The following LTN1 variants were observed in gnomAD, a reference collection of about 807,000 sequenced individuals.
LTN1 encodes the protein listerin E3 ubiquitin protein ligase 1, also known as E3 ubiquitin-protein ligase listerin.
LTN1 carries 88 observed loss-of-function variants against 201.2 expected under a neutral mutation model. The observed-to-expected ratio is 0.44, with a 90% CI of 0.37 to 0.52. The LOEUF is 0.52. Ranked by LOEUF, LTN1 falls within the 20% of genes least tolerant of loss-of-function variation. The pLI, the probability that LTN1 is intolerant of heterozygous loss-of-function variation, is 0.00. For missense variants in LTN1, 1,752 were observed against 2,038.7 expected, an observed-to-expected ratio of 0.86 and a Z score of 2.71; for synonymous variants, 645 against 713.5, an observed-to-expected ratio of 0.90 and a Z score of 1.53.
chr21:28,957,331 C>T lies in LTN1; in HGVS notation c.2892+1G>A. 2 of 1,578,492 alleles carry T rather than the reference C, an allele frequency of 1.3e-6. No individual in the cohort carries two copies. The highest frequency in any genetic ancestry group is 1.7e-6 in the Non-Finnish European group (2 of 1,168,402). ...TATGTACTCTTCAATTTCCAAAATA[C>T]CTGCATAGGAAGAGACTGCCTCATC... On this transcript the variant is annotated splice_donor_variant, in intron 15 of 29. Transcript: ENST00000361371. LOFTEE classifies it high-confidence loss of function.
At chr21:28,964,852 T>A in intron 11 of LTN1, 1 of 1,411,802 alleles carries the variant, frequency 7.1e-7, no homozygotes, top group Non-Finnish European at 9.3e-7. Flanking sequence ...AGGAGCTTTC[T>A]GATAATTTAG....
chr21:28,957,459 G>A lies in LTN1; in HGVS notation c.2765C>T (p.Ser922Phe). ...LDINSLQVLL[S>F]AVDDLLNTLL... ...TGTATTTAGCAAATCATCAACAGCA[G>A]ACAAGAGGACTTGGAGACTAAAAAT... is the stretch of plus-strand genomic sequence containing the variant. The change falls in exon 15 of 30, where the codon TCT becomes TTT. Residue 922 changes from serine to phenylalanine, a missense_variant. Coordinates refer to ENST00000361371, the MANE Select transcript of LTN1 (RefSeq NM_015565.3). 1.9e-6 allele frequency: 3 copies of A among 1,568,112 alleles called. No individual in the cohort carries two copies. Among genetic ancestry groups the A allele is most frequent in the Non-Finnish European group, 2.6e-6 (3 of 1,162,068 alleles).
rs773179217 is a variant in LTN1, at chr21:28,928,241, T to G, written c.*2207A>C. 3 of 152,622 alleles carry G rather than the reference T, an allele frequency of 2.0e-5. No homozygotes were observed. The highest frequency in any genetic ancestry group is 4.4e-5 in the Non-Finnish European group (3 of 68,020). 9.5% of individuals were successfully genotyped at this position (152,622 alleles called of 1,614,324 possible). On this transcript the variant is annotated 3_prime_UTR_variant, in exon 30 of 30. Coordinates refer to ENST00000361371, the MANE Select transcript of LTN1 (RefSeq NM_015565.3). ...TACAAGGGCATTTATATTATTATTTTTCTGCATATTTGAAATATTTTTAAT... is the reference window on the plus strand; with the variant it reads ...TACAAGGGCATTTATATTATTATTTGTCTGCATATTTGAAATATTTTTAAT...
At chr21:28,958,240 C>T in intron 14 of LTN1, 146 bp downstream of exon 14, 1 of 672,614 alleles carries the variant, frequency 1.5e-6, no homozygotes, top group Non-Finnish European at 2.4e-6. Flanking sequence ...ACTGATCCTC[C>T]CACCTCAGCC....
intron 1 of LTN1, among the ~76,000 whole-genome samples, chr21:28,988,520 T>G (rs2084719143): frequency 6.6e-6 from 1 of 151,664 alleles, no homozygotes; most frequent in Non-Finnish European, 1.5e-5. Context: ...GGAAAATTCA[T>G]CTGACAAGGA....
Position 28,946,176 on chromosome 21 carries a change from T to C in LTN1, c.3599A>G (p.His1200Arg), listed in dbSNP as rs145282324. 11 of 1,582,818 alleles carry C rather than the reference T, an allele frequency of 6.9e-6. No homozygotes were observed. In the African/African-American group the frequency reaches 9.6e-5, roughly 14 times the overall value. The change falls in exon 20 of 30, where the codon CAT (histidine) becomes CGT (arginine). Residue 1200 changes from histidine (H) to arginine (R), a missense_variant. This residue lies in a region of LTN1 where 1,211 missense variants were observed against 1,312.8 expected (regional missense o/e 0.92). Coordinates refer to ENST00000361371, the MANE Select transcript of LTN1 (RefSeq NM_015565.3). Reference sequence around the variant, plus strand: ...CCAACTGAAAAGAAAAATATCTTCATGCTCTTTCTTCCAGGATATTATGAT... The same window carrying C: ...CCAACTGAAAAGAAAAATATCTTCACGCTCTTTCTTCCAGGATATTATGAT... Reference protein sequence around the residue: ...LKIIISWKKEHEDIFLFSCNL... With the variant: ...LKIIISWKKEREDIFLFSCNL...
At chr21:28,981,345 C>T (rs1429706949) in intron 5 of LTN1, 46 bp from the exon 6 acceptor site, 2 of 1,065,464 alleles carry the variant, frequency 1.9e-6, no homozygotes, top group East Asian at 3.0e-5. Context: ...TAGAATTAGC[C>T]AAACTATATA....
Position 28,986,988 on chromosome 21 carries a change from T to A in LTN1, c.43-54A>T. The A allele has an allele frequency of 8.5e-7, 1 of 1,176,390 alleles. No individual in the cohort carries two copies. Among genetic ancestry groups the A allele is most frequent in the Non-Finnish European group, 1.3e-6 (1 of 789,872 alleles). 72.9% of individuals were successfully genotyped at this position (1,176,390 alleles called of 1,614,324 possible). Reference sequence around the variant, plus strand: ...CAGAGTCCAGGAAGGGTTCAAAACTTAACTTTATAATTCCTTGGCTATTCC... The same window carrying A: ...CAGAGTCCAGGAAGGGTTCAAAACTAAACTTTATAATTCCTTGGCTATTCC... On this transcript the variant is annotated intron_variant, in intron 1 of 29. Transcript: ENST00000361371. This position sits in a 1 kb window ranked among gnomAD's most constrained non-coding sequence, Gnocchi z 4.1.
At chr21:28,960,373 A>G in intron 12 of LTN1, 144 bp downstream of exon 12, 1 of 586,912 alleles carries the variant, frequency 1.7e-6, no homozygotes, top group Non-Finnish European at 2.8e-6. Context: ...AAAAAGAAAA[A>G]AGAAAAGAAA....
chr21:28,953,570 C>T (rs748726517), intron 16 of LTN1, among the ~76,000 whole-genome samples, 194 bp from the exon 17 acceptor site: 1 of 152,174 alleles, frequency 6.6e-6, no homozygotes, highest in Non-Finnish European at 1.5e-5. Flanking sequence ...ATACAAAATA[C>T]CACCCTTTTC....
chr21:28,966,075 A>G (rs1344545593), intron 10 of LTN1, among the ~76,000 whole-genome samples, 169 bp from the exon 11 acceptor site: 1 of 152,210 alleles, frequency 6.6e-6, no homozygotes, highest in East Asian at 1.9e-4. Context: ...GCCCAGCTAA[A>G]ACTTTTAAAA....
rs751524524 is a variant in LTN1, at chr21:28,941,395, G to A, written c.4307C>T (p.Ala1436Val). 2 of 1,607,770 alleles carry A rather than the reference G, an allele frequency of 1.2e-6. No individual in the cohort carries two copies. The highest frequency in any genetic ancestry group is 2.2e-5 in the South Asian group (2 of 89,522). The change falls in exon 25 of 30, where the codon GCA becomes GTA. Residue 1436 changes from alanine (A) to valine (V), a missense_variant. Transcript: ENST00000361371. ...AATGCTAAGAAGAGACATCAGTGCTGCTGGTGGTGACCTAAGAATCAATGA... is the reference window on the plus strand; with the variant it reads ...AATGCTAAGAAGAGACATCAGTGCTACTGGTGGTGACCTAAGAATCAATGA... ...EEEEPALSPP[A>V]ALMSLLSIQE...
At position 28,935,267 on chromosome 21, in the gene LTN1, T is replaced by G. The variant is rs755217147; in HGVS notation, c.4717A>C (p.Lys1573Gln). Residue 1573 changes from lysine (K) to glutamine (Q), a missense_variant, in exon 27 of 30, where the codon AAA (lysine) becomes CAA (glutamine). Coordinates refer to ENST00000361371, the MANE Select transcript of LTN1 (RefSeq NM_015565.3). ...LACSVYHMTLKDLPAMVRLWW... is the reference protein window; with the variant it reads ...LACSVYHMTLQDLPAMVRLWW... ...AACCTAACCATGGCAGGCAAGTCTT[T>G]TAATGTCATATGATAGACTGAACAA... is the stretch of plus-strand genomic sequence containing the variant. The G allele has an allele frequency of 3.1e-6, 5 of 1,614,176 alleles. No homozygotes were observed. In the South Asian group the frequency reaches 5.5e-5, roughly 18 times the overall value.
intron 6 of LTN1, 26 bp downstream of exon 6, chr21:28,981,093 T>C (rs377338171): frequency 4.3e-6 from 6 of 1,390,350 alleles, no homozygotes; most frequent in Non-Finnish European, 5.8e-6. Flanking sequence ...CAGAGAAATG[T>C]CTTAAGATAA....
chr21:28,987,023 A>G (rs1213948279), intron 1 of LTN1, 89 bp from the exon 2 acceptor site: 1 of 781,992 alleles, frequency 1.3e-6, no homozygotes, highest in African/African-American at 1.8e-5. Flanking sequence ...CCATGGTCAG[A>G]ATGAGCTTTT....
At chr21:28,983,394 G>T (rs2084673436) in intron 4 of LTN1, among the ~76,000 whole-genome samples, 1 of 152,176 alleles carries the variant, frequency 6.6e-6, no homozygotes, top group African/African-American at 2.4e-5. Context: ...TTATAACTTG[G>T]CATTTTAAAT....
rs370321677 is a variant in LTN1 at position 28,966,694 on chromosome 21, A to G, written c.1797T>C (p.Asp599=). 1.2e-6 allele frequency: 2 copies of G among 1,614,064 alleles called. No homozygotes were observed. Among genetic ancestry groups the G allele is most frequent in the Non-Finnish European group, 1.7e-6 (2 of 1,179,984 alleles). ...GTTCATTGACATAATTAATACTTAT[A>G]TCTGCGAGTTTACAGACTAAGTCTT... ...PLEDLVCKLA[D]ISINYVNERK... is the part of the protein sequence containing the mutation. Residue 599 remains aspartate (D), a synonymous_variant, in exon 10 of 30, where the codon GAT becomes GAC. Transcript: ENST00000361371.
At chr21:28,944,314 T>G in intron 22 of LTN1, 69 bp downstream of exon 22, 1 of 1,197,754 alleles carries the variant, frequency 8.3e-7, no homozygotes, top group East Asian at 2.3e-5. Flanking sequence ...ATCAAAATTT[T>G]TGCTTTTGAA....
chr21:28,949,601 T>C (rs2084367183), intron 18 of LTN1, among the ~76,000 whole-genome samples: 1 of 152,224 alleles, frequency 6.6e-6, no homozygotes, highest in South Asian at 2.1e-4. Flanking sequence ...TCTGTCTTTT[T>C]GTAACTGGCT....
Sources: allele counts gnomAD v4.1 joint callset (sites outside exome capture counted in the v4.1 genomes callset), GRCh38; gene constraint gnomAD v4.1.1; regional missense constraint gnomAD v4.1.1; non-coding constraint Gnocchi (gnomAD v3.1); transcripts MANE v1.5; gene names NCBI Gene and HGNC (gene_info 2026-07-23, HGNC 2026-07-21).